PAICS: variants seen among roughly 807,000 people sequenced by gnomAD.
PAICS encodes phosphoribosylaminoimidazole carboxylase and phosphoribosylaminoimidazolesuccinocarboxamide synthase, also known as bifunctional phosphoribosylaminoimidazole carboxylase/phosphoribosylaminoimidazole succinocarboxamide synthetase.
PAICS carries 33 observed loss-of-function variants against 53.7 expected under a neutral mutation model. The observed-to-expected ratio is 0.61, with a 90% confidence interval of 0.47 to 0.82. PAICS has a LOEUF of 0.82. Ranked by LOEUF, PAICS falls within the 40% of genes least tolerant of loss-of-function variation. The pLI, the probability that PAICS is intolerant of heterozygous loss-of-function variation, is 0.00. For synonymous variants in PAICS, 141 were observed against 167.2 expected (o/e 0.84, Z 1.21); for missense variants, 394 against 494.1 (o/e 0.80, Z 1.92).
chr4:56,448,349 T>G, intron 3 of PAICS, 69 bp from the exon 4 acceptor site: 1 of 1,079,024 alleles, frequency 9.3e-7, no homozygotes, highest in Non-Finnish European at 1.3e-6. Context: ...GTGAAAAGGA[T>G]GTTGGTTTTT....
upstream of PAICS, chr4:56,431,691 TA>T (rs1401597079): frequency 2.9e-5 from 5 of 173,434 alleles, no homozygotes; most frequent in Admixed American, 1.3e-4. Flanking sequence ...ATTCATGGCA[TA>T]AATCTACAGA....
the PAICS span, among the ~76,000 whole-genome samples, chr4:56,424,862 G>C: frequency 1.3e-5 from 2 of 152,170 alleles, no homozygotes; most frequent in Non-Finnish European, 2.9e-5. Flanking sequence ...GCAAGCCACT[G>C]CTTTCTGGTA....
At chr4:56,445,045 T>TA (rs1163739255) in intron 2 of PAICS, among the ~76,000 whole-genome samples, 1 of 152,148 alleles carries the variant, frequency 6.6e-6, no homozygotes, top group African/African-American at 2.4e-5. Flanking sequence ...AATTTTTTTT[T>TA]AAAGGTTAAA....
At chr4:56,417,750 C>T in the PAICS span, among the ~76,000 whole-genome samples, 243 of 152,192 alleles carry the variant, frequency 1.6e-3, 1 homozygote, top group Non-Finnish European at 2.7e-3. Flanking sequence ...CTGTGCTACA[C>T]ACTCCAGCCT....
chr4:56,410,969 A>C, the PAICS span: 1 of 959,424 alleles, frequency 1.0e-6, no homozygotes, highest in Non-Finnish European at 1.2e-6. Context: ...CAGTTTTATG[A>C]ACTGTAAAAG....
chr4:56,455,395 C>T (rs1359519387), intron 8 of PAICS, among the ~76,000 whole-genome samples: 3 of 152,046 alleles, frequency 2.0e-5, no homozygotes, highest in Non-Finnish European at 4.4e-5. Context: ...GTCTTTGAGC[C>T]CTCCAACCTG....
chr4:56,410,510 T>G, the PAICS span: 122 of 986,136 alleles, frequency 1.2e-4, no homozygotes, highest in African/African-American at 2.0e-3. Context: ...CCAGGTCACT[T>G]TCAACATGGA....
the PAICS span, chr4:56,419,624 G>A: frequency 8.0e-5 from 77 of 967,226 alleles, no homozygotes; most frequent in Non-Finnish European, 8.6e-5. Context: ...GTATCTCTAC[G>A]TCAGTATTGG....
intron 5 of PAICS, 38 bp downstream of exon 5, chr4:56,448,861 T>C (rs1405910578): frequency 9.2e-7 from 1 of 1,090,888 alleles, no homozygotes; most frequent in African/African-American, 1.6e-5. Flanking sequence ...CTTTTTGAGA[T>C]CAAGCTGAGA....
At chr4:56,429,511 A>C in the PAICS span, among the ~76,000 whole-genome samples, 1 of 152,226 alleles carries the variant, frequency 6.6e-6, no homozygotes, top group Non-Finnish European at 1.5e-5. Flanking sequence ...GCAATATAGC[A>C]TGTAGAAGAA....
upstream of PAICS, chr4:56,435,198 A>T: frequency 8.6e-7 from 1 of 1,157,194 alleles, no homozygotes; most frequent in Non-Finnish European, 1.2e-6. Context: ...GTGCACGCCT[A>T]GGCAACCCGG....
In PAICS at chr4:56,441,738, T is replaced by C; in HGVS notation, c.92T>C (p.Val31Ala). 6.2e-7 allele frequency: 1 copy of C among 1,605,294 alleles called. No individual in the cohort carries two copies. The highest frequency in any genetic ancestry group is 1.7e-4 in the Middle Eastern group (1 of 6,046). The change falls in exon 2 of 9, where the codon GTC becomes GCC. Residue 31 changes from valine to alanine, a missense_variant. Coordinates refer to ENST00000512576, the MANE Select transcript of PAICS (RefSeq NM_001079524.2). ...GAATTGTTAGACAGTCCAGGAAAAGTCCTCCTGCAGTCCAAGGACCAGATT... is the reference window on the plus strand; with the variant it reads ...GAATTGTTAGACAGTCCAGGAAAAGCCCTCCTGCAGTCCAAGGACCAGATT... ...VYELLDSPGK[V>A]LLQSKDQITA...
intron 8 of PAICS, 120 bp from the exon 9 acceptor site, chr4:56,459,249 GAAT>G: frequency 1.8e-6 from 1 of 559,040 alleles, no homozygotes; most frequent in Non-Finnish European, 3.1e-6. Flanking sequence ...CTTTAGATTA[GAAT>G]AATGCAGTAG....
chr4:56,454,283 G>A (rs912116867), intron 8 of PAICS, among the ~76,000 whole-genome samples: 4 of 152,156 alleles, frequency 2.6e-5, no homozygotes, highest in Non-Finnish European at 4.4e-5. Flanking sequence ...CATGGATCAC[G>A]TGTGTAAATT....
upstream of PAICS, chr4:56,435,521 G>A (rs1234026594): frequency 1.2e-6 from 2 of 1,612,166 alleles, no homozygotes; most frequent in East Asian, 2.2e-5. Flanking sequence ...CTGCGGCCAA[G>A]GTGTAAGCAC....
chr4:56,414,773 A>G, the PAICS span, among the ~76,000 whole-genome samples: 5 of 152,234 alleles, frequency 3.3e-5, no homozygotes, highest in South Asian at 2.1e-4. Context: ...CTCATACTCA[A>G]GCTCAGGTGT....
the PAICS span, among the ~76,000 whole-genome samples, chr4:56,428,472 C>T: frequency 0.69 from 104,491 of 151,930 alleles, 36,027 homozygotes; most frequent in South Asian, 0.76. Context: ...CAATGTCATA[C>T]GAAATATAAA....
the PAICS span, chr4:56,420,938 A>G: frequency 2.7e-5 from 4 of 150,538 alleles, no homozygotes; most frequent in African/African-American, 9.8e-5. Flanking sequence ...GCTTGAAGTA[A>G]CCAAGTGTCT....
chr4:56,435,154 A>T (rs1481736853), upstream of PAICS, among the ~76,000 whole-genome samples: 1 of 152,220 alleles, frequency 6.6e-6, no homozygotes, highest in African/African-American at 2.4e-5. Context: ...GGTGGGCAGG[A>T]CAGGCTAAAG....
Sources: allele counts gnomAD v4.1 joint callset (sites outside exome capture counted in the v4.1 genomes callset), GRCh38; gene constraint gnomAD v4.1.1; transcripts MANE v1.5; gene names NCBI Gene and HGNC (gene_info 2026-07-23, HGNC 2026-07-21).